The following UBE2N variants were observed in gnomAD, a reference collection of about 807,000 sequenced individuals.
UBE2N encodes ubiquitin conjugating enzyme E2 N.
For missense variants in UBE2N, 60 were observed against 192.1 expected (o/e 0.31, Z 4.07); for synonymous variants, 70 against 69.2 (o/e 1.01, Z -0.06).
chr12:93,421,327 G>A (rs1220220377), intron 1 of UBE2N, among the ~76,000 whole-genome samples: 1 of 152,026 alleles, frequency 6.6e-6, no homozygotes, highest in East Asian at 1.9e-4. Flanking sequence ...TCAGCCTCCA[G>A]AGTAGCTGGG....
chr12:93,411,986 T>G (rs1385815898), intron 1 of UBE2N, among the ~76,000 whole-genome samples: 1 of 152,030 alleles, frequency 6.6e-6, no homozygotes, highest in Non-Finnish European at 1.5e-5. Context: ...GCCAACACAC[T>G]CGGCCAAAAA....
At chr12:93,426,357 C>A (rs2291266) in intron 1 of UBE2N, among the ~76,000 whole-genome samples, 19,212 of 136,722 alleles carry the variant, frequency 0.14, 1,586 homozygotes, top group East Asian at 0.21. Context: ...GCTAGCAACA[C>A]GAGCCAGCAA....
chr12:93,431,912 C>T (rs1185398460), intron 1 of UBE2N, among the ~76,000 whole-genome samples: 2 of 152,118 alleles, frequency 1.3e-5, no homozygotes, highest in Non-Finnish European at 2.9e-5. Context: ...TTCTCTTGGC[C>T]CAGCAAACTC....
intron 1 of UBE2N, among the ~76,000 whole-genome samples, chr12:93,428,304 C>T (rs572260127): frequency 5.9e-5 from 9 of 152,262 alleles, no homozygotes; most frequent in Non-Finnish European, 8.8e-5. Flanking sequence ...ACTTTTGAAG[C>T]TAAGTATCTG....
At chr12:93,437,242 G>A (rs1878960138) in intron 1 of UBE2N, among the ~76,000 whole-genome samples, 1 of 152,210 alleles carries the variant, frequency 6.6e-6, no homozygotes, top group Non-Finnish European at 1.5e-5. Context: ...ACTGGAGGCT[G>A]AAGGTAGAGA....
At chr12:93,438,191 T>C (rs1334665607) in intron 1 of UBE2N, among the ~76,000 whole-genome samples, 4 of 152,130 alleles carry the variant, frequency 2.6e-5, no homozygotes, top group African/African-American at 9.7e-5. Flanking sequence ...GCCCGGGATA[T>C]CCAAGAGTCC....
chr12:93,439,890 T>TACC (rs35846559), intron 1 of UBE2N, among the ~76,000 whole-genome samples: 10 of 100 alleles, frequency 0.1, no homozygotes, highest in Non-Finnish European at 0.16. Context: ...CAGTATGAGT[T>TACC]ACTGTCTTAG....
rs1877916333 is a variant in UBE2N at position 93,408,111 on chromosome 12, G to A, written c.*1928C>T. 1 of 152,198 alleles carries A rather than the reference G, an allele frequency of 6.6e-6. No individual in the cohort carries two copies. Among genetic ancestry groups the A allele is most frequent in the East Asian group, 1.9e-4 (1 of 5,186 alleles). The allele number at this position is 152,198 out of a possible 1,614,324, so 9.4% of individuals were successfully genotyped here. A position where few individuals can be genotyped will look rare whatever the true frequency, so the allele number is the denominator to read the frequency against. ...TAGCTATAACCATGAGCAATATTAC[G>A]GGCAGTAAATGTTGATTTCTATTTC... On this transcript the variant is annotated 3_prime_UTR_variant, in exon 4 of 4. Coordinates refer to ENST00000318066, the MANE Select transcript of UBE2N (RefSeq NM_003348.4).
intron 1 of UBE2N, among the ~76,000 whole-genome samples, chr12:93,430,560 C>T (rs1399148750): frequency 6.6e-6 from 1 of 151,678 alleles, no homozygotes; most frequent in Non-Finnish European, 1.5e-5. Flanking sequence ...TAAACAGGGT[C>T]TCATGTTTGT....
chr12:93,418,206 T>TA (rs1878282547), intron 1 of UBE2N, among the ~76,000 whole-genome samples: 1 of 151,860 alleles, frequency 6.6e-6, no homozygotes, highest in Non-Finnish European at 1.5e-5. Flanking sequence ...ACCAAAAAAC[T>TA]AAAAAAATTA....
At chr12:93,410,128 G>T in intron 3 of UBE2N, 49 bp from the exon 4 acceptor site, 2 of 1,566,200 alleles carry the variant, frequency 1.3e-6, no homozygotes, top group Non-Finnish European at 1.8e-6. Flanking sequence ...AGTTCAATAT[G>T]TTACTTTCCA....
chr12:93,419,225 T>C (rs776630985), intron 1 of UBE2N, among the ~76,000 whole-genome samples: 11 of 152,098 alleles, frequency 7.2e-5, no homozygotes, highest in Non-Finnish European at 1.5e-4. Flanking sequence ...ACCCTGTCTC[T>C]ACTAAAAATA....
At chr12:93,426,390 C>CAAAAAAAAA in intron 1 of UBE2N, among the ~76,000 whole-genome samples, 1 of 101,246 alleles carries the variant, frequency 9.9e-6, no homozygotes, top group Non-Finnish European at 2.0e-5. Context: ...AAACTGCATC[C>CAAAAAAAAA]AAAAAAAAAA....
intron 1 of UBE2N, among the ~76,000 whole-genome samples, chr12:93,426,849 C>CT (rs1878605207): frequency 6.6e-6 from 1 of 152,076 alleles, no homozygotes. Context: ...GCTGTCTCCC[C>CT]TCTCATGGGT....
At chr12:93,430,113 C>G (rs1878715928) in intron 1 of UBE2N, among the ~76,000 whole-genome samples, 1 of 152,278 alleles carries the variant, frequency 6.6e-6, no homozygotes, top group Non-Finnish European at 1.5e-5. Flanking sequence ...GTGCCCTATA[C>G]AGGTATACCA....
chr12:93,429,563 TAAAAAA>T (rs34053448), intron 1 of UBE2N, among the ~76,000 whole-genome samples: 1 of 138,782 alleles, frequency 7.2e-6, no homozygotes, highest in South Asian at 2.3e-4. Flanking sequence ...TTCTGCTTGT[TAAAAAA>T]AAAAAAAAAA....
intron 1 of UBE2N, among the ~76,000 whole-genome samples, chr12:93,435,973 T>G (rs1314834540): frequency 6.6e-6 from 1 of 152,166 alleles, no homozygotes; most frequent in African/African-American, 2.4e-5. Context: ...AGACATAAAG[T>G]AAATTCTGCG....
chr12:93,434,726 A>T (rs1878878085), intron 1 of UBE2N, among the ~76,000 whole-genome samples: 1 of 152,194 alleles, frequency 6.6e-6, no homozygotes, highest in South Asian at 2.1e-4. Context: ...GTTAAAAAAA[A>T]TAGCTTTTTT....
At position 93,439,194 on chromosome 12, in the gene UBE2N, G is replaced by A. The variant is rs533470980; in HGVS notation, c.30+2661C>T. Among the ~76,000 whole-genome samples, 260 of 152,306 alleles carry A rather than the reference G, an allele frequency of 1.7e-3. 1 individual carries two copies. Among genetic ancestry groups the A allele is most frequent in the African/African-American group, 6.2e-3 (256 of 41,558 alleles). The stretch of plus-strand genomic sequence containing the variant: ...CAACACTAAATTTCATCCTTTGAAA[G>A]TCAAAGGTCAGGCGGGGCACAGTGG... On this transcript the variant is annotated intron_variant, in intron 1 of 3. Coordinates refer to ENST00000318066, the MANE Select transcript of UBE2N (RefSeq NM_003348.4).
Sources: allele counts gnomAD v4.1 joint callset (sites outside exome capture counted in the v4.1 genomes callset), GRCh38; gene constraint gnomAD v4.1.1; transcripts MANE v1.5; gene names NCBI Gene and HGNC (gene_info 2026-07-23, HGNC 2026-07-21).